SMCO4: variants seen among roughly 807,000 people sequenced by gnomAD.
SMCO4 encodes the protein single-pass membrane protein with coiled-coil domains 4, also known as single-pass membrane and coiled-coil domain-containing protein 4.
Under a neutral mutation model 3.6 loss-of-function variants are expected in SMCO4, and 4 were observed. The observed-to-expected ratio is 1.11, with a 90% CI of 0.54 to 2.53. The LOEUF (loss-of-function observed/expected upper bound fraction) is 2.53, where lower values mean the gene tolerates loss of function less well. Ranked by LOEUF, SMCO4 falls within the 30% of genes most tolerant of loss-of-function variation. The probability of loss-of-function intolerance (pLI) is 0.02; values close to 1 mark genes in which losing one functional copy is unlikely to be tolerated. For missense variants in SMCO4, 70 were observed against 80.8 expected (o/e 0.87, Z 0.51); for synonymous variants, 36 against 35.3 (o/e 1.02, Z -0.07).
intron 2 of SMCO4, among the ~76,000 whole-genome samples, chr11:93,491,098 A>G (rs1490222723): frequency 3.3e-5 from 5 of 152,240 alleles, no homozygotes; most frequent in African/African-American, 1.2e-4. Context: ...CCTCGACTTC[A>G]TTTGCTATTC....
At chr11:93,543,196 T>C (rs1949286432) in intron 1 of SMCO4, 80 bp downstream of exon 1, 1 of 122,696 alleles carries the variant, frequency 8.2e-6, no homozygotes, top group Admixed American at 7.9e-5. Context: ...CCCCGCCCGG[T>C]GCCCGGTGCC....
chr11:93,552,749 G>A, the SMCO4 span, among the ~76,000 whole-genome samples: 1 of 152,096 alleles, frequency 6.6e-6, no homozygotes, highest in Admixed American at 6.5e-5. Flanking sequence ...TGGGATTACA[G>A]GCGTGAGCCA....
In SMCO4 at chr11:93,513,278, AC is replaced by A. The variant is rs200826858; in HGVS notation, c.-153-13931del. On this transcript the variant is annotated intron_variant, in intron 1 of 2. Transcript: ENST00000298966. ...GATAAATAAGTCAATATATGTGAAG[AC>A]CTTAGCAATGTTAGCCTTTTTTTGT... 2.5e-4 allele frequency among the ~76,000 whole-genome samples: 38 copies of A among 152,314 alleles called. No individual in the cohort carries two copies. In the East Asian group the frequency reaches 7.3e-3, roughly 29 times the overall value.
At chr11:93,493,296 C>T (rs1184345876) in intron 2 of SMCO4, among the ~76,000 whole-genome samples, 3 of 152,164 alleles carry the variant, frequency 2.0e-5, no homozygotes, top group African/African-American at 7.2e-5. Context: ...CGTGGGTCCA[C>T]TGTTAACTAA....
chr11:93,518,929 T>G lies in SMCO4; in HGVS notation c.-153-19581A>C, dbSNP rs767603342. 8.9e-4 allele frequency among the ~76,000 whole-genome samples: 135 copies of G among 152,206 alleles called. 1 individual carries two copies. The highest frequency in any genetic ancestry group is 1.7e-3 in the Non-Finnish European group (118 of 68,040). ...CTGAATTCCCGCCCTGGTTCTCATT[T>G]TTAGTAAGACCACTCTTCTCTTTGG... On this transcript the variant is annotated intron_variant, in intron 1 of 2. Coordinates refer to ENST00000298966, the MANE Select transcript of SMCO4 (RefSeq NM_020179.3).
intron 2 of SMCO4, among the ~76,000 whole-genome samples, chr11:93,495,850 A>G (rs970257442): frequency 1.4e-4 from 21 of 152,216 alleles, no homozygotes; most frequent in Non-Finnish European, 1.5e-5. Context: ...CCAGAACACA[A>G]TATTCATTCT....
intron 1 of SMCO4, among the ~76,000 whole-genome samples, chr11:93,502,221 T>C (rs1261390027): frequency 6.6e-6 from 1 of 152,166 alleles, no homozygotes; most frequent in Non-Finnish European, 1.5e-5. Context: ...CATCAAATGC[T>C]CAGTTTTAAA....
chr11:93,526,066 G>C (rs1413648895), intron 1 of SMCO4, among the ~76,000 whole-genome samples: 1 of 152,160 alleles, frequency 6.6e-6, no homozygotes, highest in Non-Finnish European at 1.5e-5. Flanking sequence ...TTCTCAAGCT[G>C]TCTATCCCTA....
In SMCO4 at chr11:93,534,357, C is replaced by CAT. The variant is rs574528655; in HGVS notation, c.-154+8917_-154+8918dup. Among the ~76,000 whole-genome samples, 439 of 87,024 alleles carry CAT rather than the reference C, an allele frequency of 5.0e-3. 8 individuals carry two copies. In the East Asian group the frequency reaches 0.092, roughly 18 times the overall value. The allele number at this position is 87,024 out of a possible 152,430, so 57.1% of individuals were successfully genotyped here. A position where few individuals can be genotyped will look rare whatever the true frequency, so the allele number is the denominator to read the frequency against. ...ATATATACACATATATATACACATA[C>CAT]ATATATATATATATATATAGAGAGA... On this transcript the variant is annotated intron_variant, in intron 1 of 2. Coordinates refer to ENST00000298966, the MANE Select transcript of SMCO4 (RefSeq NM_020179.3).
chr11:93,478,753 A>ACACC lies in SMCO4; in HGVS notation c.*256_*257insGGTG. The ACACC allele has an allele frequency of 1.4e-6, 1 of 707,208 alleles. No homozygotes were observed. Among genetic ancestry groups the ACACC allele is most frequent in the Non-Finnish European group, 1.9e-6 (1 of 515,706 alleles). The allele number at this position is 707,208 out of a possible 1,614,324, so 43.8% of individuals were successfully genotyped here. ...CACACACACACACACACACACACAC[A>ACACC]TGCGCGCGCGCTTTGAAGTCTGAAA... On this transcript the variant is annotated 3_prime_UTR_variant, in exon 3 of 3. Transcript: ENST00000298966.
In SMCO4 at chr11:93,499,261, T is replaced by C. The variant is rs1948810350; in HGVS notation, c.-81+15A>G. 1 of 152,224 alleles carries C rather than the reference T, an allele frequency of 6.6e-6. No individual in the cohort carries two copies. Among genetic ancestry groups the C allele is most frequent in the Non-Finnish European group, 1.5e-5 (1 of 68,038 alleles). 9.4% of individuals were successfully genotyped at this position (152,224 alleles called of 1,614,324 possible). ...CTCCCCAGACAATGAGTTTCCCTTA[T>C]AAGAGAATGTTTACCTTTTCTTCAA... is the stretch of plus-strand genomic sequence containing the variant. On this transcript the variant is annotated intron_variant, in intron 2 of 2. Coordinates refer to ENST00000298966, the MANE Select transcript of SMCO4 (RefSeq NM_020179.3).
chr11:93,518,110 T>A (rs1426264530), intron 1 of SMCO4, among the ~76,000 whole-genome samples: 1 of 152,202 alleles, frequency 6.6e-6, no homozygotes, highest in Non-Finnish European at 1.5e-5. Flanking sequence ...CACAACCTCT[T>A]CCCTCCAGCC....
chr11:93,548,857 T>C, the SMCO4 span, among the ~76,000 whole-genome samples: 2 of 152,248 alleles, frequency 1.3e-5, no homozygotes, highest in African/African-American at 4.8e-5. Context: ...TTTCTGGGGC[T>C]TAAATACCCT....
intron 1 of SMCO4, among the ~76,000 whole-genome samples, chr11:93,538,783 A>C (rs7119922): frequency 0.042 from 6,422 of 152,276 alleles, 467 homozygotes; most frequent in African/African-American, 0.15. Flanking sequence ...TCTTCTCCGC[A>C]ACCACTGCCA....
At chr11:93,496,910 C>T (rs1205223100) in intron 2 of SMCO4, among the ~76,000 whole-genome samples, 5 of 152,152 alleles carry the variant, frequency 3.3e-5, no homozygotes, top group Admixed American at 1.3e-4. Context: ...TGGGCCCCAA[C>T]GCTTACACTA....
chr11:93,544,247 G>T (rs905668581), upstream of SMCO4, among the ~76,000 whole-genome samples: 1 of 152,180 alleles, frequency 6.6e-6, no homozygotes, highest in Non-Finnish European at 1.5e-5. Flanking sequence ...TATGTAAATG[G>T]TAGTTATTGT....
chr11:93,507,983 TA>T lies in SMCO4; in HGVS notation c.-153-8636del, dbSNP rs527320824. Among the ~76,000 whole-genome samples, 9 of 152,350 alleles carry T rather than the reference TA, an allele frequency of 5.9e-5. No individual in the cohort carries two copies. The East Asian group carries it at 1.7e-3, about 29-fold the overall frequency. On this transcript the variant is annotated intron_variant, in intron 1 of 2. Transcript: ENST00000298966. ...TGCTTTGGAAATATTTACTTTTCATTAAAAATGCTACTTTATATTATCATAT... is the reference window on the plus strand; with the variant it reads ...TGCTTTGGAAATATTTACTTTTCATTAAAATGCTACTTTATATTATCATAT...
At chr11:93,548,439 GACCCATCAGAAAA>G in the SMCO4 span, among the ~76,000 whole-genome samples, 1 of 152,220 alleles carries the variant, frequency 6.6e-6, no homozygotes, top group Non-Finnish European at 1.5e-5. Flanking sequence ...AAAGGCTTCA[GACCCATCAGAAAA>G]TCAACTGTTG....
intron 1 of SMCO4, among the ~76,000 whole-genome samples, chr11:93,513,944 T>C (rs572907198): frequency 6.6e-6 from 1 of 152,276 alleles, no homozygotes; most frequent in East Asian, 1.9e-4. Context: ...TCACATTTAA[T>C]TAGAGTCCAT....
Sources: gnomAD v4.1 joint callset for allele counts (sites outside exome capture counted in the v4.1 genomes callset) on GRCh38, gnomAD v4.1.1 for gene constraint, MANE v1.5 for transcripts, NCBI Gene and HGNC (gene_info 2026-07-23, HGNC 2026-07-21) for gene names.